The following CMSS1 variants were observed in gnomAD, a reference collection of about 807,000 sequenced individuals.
CMSS1 encodes cms1 ribosomal small subunit homolog, also known as protein CMSS1.
In CMSS1, 33 loss-of-function variants were observed where a neutral mutation model predicts 43.5. The observed-to-expected ratio is 0.76, with a 90% CI of 0.57 to 1.01. The LOEUF is 1.01. Among genes scored for constraint, CMSS1 ranks in the 50% least tolerant of loss-of-function variants. The probability of loss-of-function intolerance (pLI) is 0.00; values close to 1 mark genes in which losing one functional copy is unlikely to be tolerated. For missense variants in CMSS1, 313 were observed against 326.4 expected, an observed-to-expected ratio of 0.96 and a Z score of 0.32; for synonymous variants, 115 against 117.2, an observed-to-expected ratio of 0.98 and a Z score of 0.12.
Position 100,162,395 on chromosome 3 carries a change from A to G in CMSS1, c.318A>G (p.Arg106=). The change falls in exon 4 of 10, where the codon AGA becomes AGG. Residue 106 remains arginine, a synonymous_variant. Coordinates refer to ENST00000421999, the MANE Select transcript of CMSS1 (RefSeq NM_032359.4). ...TGATGAAGGACTATTATAGCAGCAG[A>G]CGCTTGGTGATTGAATTAGAAGAAC... The part of the protein sequence containing the change: ...QKLMKDYYSS[R]RLVIELEELN... The G allele has an allele frequency of 6.2e-7, 1 of 1,613,330 alleles. No individual in the cohort carries two copies. The highest frequency in any genetic ancestry group is 2.2e-5 in the East Asian group (1 of 44,850).
intron 1 of CMSS1, among the ~76,000 whole-genome samples, chr3:100,108,612 A>C (rs989357546): frequency 6.6e-6 from 1 of 152,180 alleles, no homozygotes; most frequent in Admixed American, 6.5e-5. Context: ...TCCTCACTGT[A>C]TTCTAGTGGT....
chr3:100,113,142 A>G (rs1228849550), intron 1 of CMSS1, among the ~76,000 whole-genome samples: 1 of 152,234 alleles, frequency 6.6e-6, no homozygotes, highest in Non-Finnish European at 1.5e-5. Context: ...AAAGAAAGAT[A>G]TGTAATCATT....
chr3:99,922,482 G>C (rs1320657242), intron 1 of CMSS1, among the ~76,000 whole-genome samples: 1 of 152,116 alleles, frequency 6.6e-6, no homozygotes, highest in Admixed American at 6.5e-5. Flanking sequence ...GGAAAAAATA[G>C]AGTGAATATA....
chr3:99,964,565 A>G (rs1708590996), intron 1 of CMSS1, among the ~76,000 whole-genome samples: 1 of 151,982 alleles, frequency 6.6e-6, no homozygotes, highest in East Asian at 2.0e-4. Flanking sequence ...TCTTTGCACC[A>G]TATCACTCTG....
chr3:100,146,519 G>A (rs982939539), intron 1 of CMSS1, among the ~76,000 whole-genome samples: 2 of 152,084 alleles, frequency 1.3e-5, no homozygotes, highest in African/African-American at 2.4e-5. Flanking sequence ...TAAGAATAGA[G>A]GGATTTCATA....
chr3:100,113,141 T>C (rs1162309068), intron 1 of CMSS1, among the ~76,000 whole-genome samples: 3 of 152,340 alleles, frequency 2.0e-5, no homozygotes, highest in East Asian at 1.9e-4. Context: ...TAAAGAAAGA[T>C]ATGTAATCAT....
chr3:100,035,108 T>G (rs868143917), intron 1 of CMSS1, among the ~76,000 whole-genome samples: 9 of 152,186 alleles, frequency 5.9e-5, no homozygotes, highest in African/African-American at 2.2e-4. Flanking sequence ...TATTCGAAAT[T>G]GTTATCCAAA....
At chr3:100,111,671 G>A (rs2066493527) in intron 1 of CMSS1, among the ~76,000 whole-genome samples, 1 of 152,086 alleles carries the variant, frequency 6.6e-6, no homozygotes, top group African/African-American at 2.4e-5. Flanking sequence ...TTGAACCCTA[G>A]ACTTCTAAGA....
chr3:99,950,938 G>T (rs1708158429), intron 1 of CMSS1, among the ~76,000 whole-genome samples: 1 of 152,156 alleles, frequency 6.6e-6, no homozygotes, highest in Non-Finnish European at 1.5e-5. Context: ...GTCACCCAGG[G>T]ATTATTGGGT....
intron 1 of CMSS1, among the ~76,000 whole-genome samples, chr3:99,904,054 C>G (rs1023346218): frequency 2.6e-5 from 4 of 152,200 alleles, no homozygotes. Flanking sequence ...ACTCCTATTT[C>G]AGAATCTGAT....
chr3:99,864,400 GTAT>G (rs1410116305), intron 1 of CMSS1, among the ~76,000 whole-genome samples: 1 of 152,082 alleles, frequency 6.6e-6, no homozygotes. Context: ...TATGAGCTAA[GTAT>G]TATTATTCTC....
At chr3:100,172,464 G>A (rs2107532674) in intron 8 of CMSS1, 61 bp downstream of exon 8, 2 of 1,259,180 alleles carry the variant, frequency 1.6e-6, no homozygotes, top group East Asian at 2.3e-5. Context: ...ACCTACATGT[G>A]AGTCTCAGAA....
intron 1 of CMSS1, among the ~76,000 whole-genome samples, chr3:99,957,580 T>A (rs911393917): frequency 4.6e-5 from 7 of 151,876 alleles, no homozygotes; most frequent in Non-Finnish European, 7.4e-5. Flanking sequence ...ACAGTTGGAA[T>A]TTTCACCCTC....
chr3:100,054,364 A>G (rs1200171004), intron 1 of CMSS1, among the ~76,000 whole-genome samples: 1 of 152,140 alleles, frequency 6.6e-6, no homozygotes, highest in African/African-American at 2.4e-5. Flanking sequence ...AGATCTGGAA[A>G]ACCTAGGCCT....
intron 1 of CMSS1, 26 bp from the exon 2 acceptor site, chr3:100,146,946 CT>C (rs767468115): frequency 1.2e-6 from 2 of 1,606,788 alleles, no homozygotes; most frequent in Non-Finnish European, 1.7e-6. Flanking sequence ...AGAGACTTTT[CT>C]GATTTTCAAA....
At chr3:100,163,126 T>C (rs981844085) in intron 4 of CMSS1, among the ~76,000 whole-genome samples, 5 of 152,366 alleles carry the variant, frequency 3.3e-5, no homozygotes, top group African/African-American at 1.2e-4. Flanking sequence ...GATTGTATTT[T>C]TTTATTCAAA....
intron 6 of CMSS1, among the ~76,000 whole-genome samples, chr3:100,169,586 C>T (rs934897210): frequency 1.3e-5 from 2 of 152,226 alleles, no homozygotes; most frequent in Non-Finnish European, 2.9e-5. Context: ...TCAAACCCTC[C>T]TTTCTCCACT....
At chr3:99,848,941 TG>T in intron 1 of CMSS1, 1 of 1,614,156 alleles carries the variant, frequency 6.2e-7, no homozygotes, top group South Asian at 1.1e-5. Flanking sequence ...GGCTGTGTTT[TG>T]TACATGGTCT....
intron 1 of CMSS1, among the ~76,000 whole-genome samples, chr3:99,845,040 T>C (rs1943300215): frequency 6.6e-6 from 1 of 152,204 alleles, no homozygotes; most frequent in Non-Finnish European, 1.5e-5. Flanking sequence ...ACTGGTGTCA[T>C]GAAGACCCCA....
Sources: gnomAD v4.1 joint callset for allele counts (sites outside exome capture counted in the v4.1 genomes callset) on GRCh38, gnomAD v4.1.1 for gene constraint, MANE v1.5 for transcripts, NCBI Gene and HGNC (gene_info 2026-07-23, HGNC 2026-07-21) for gene names.